Variants in BATF2 observed in about 807,000 individuals in gnomAD.
BATF2 encodes the protein basic leucine zipper ATF-like transcription factor 2.
A neutral mutation model predicts 7.3 loss-of-function variants in BATF2; 4 were observed. That is an observed-to-expected ratio of 0.55 (90% CI 0.27 to 1.26). BATF2 has a LOEUF of 1.26. BATF2 is among the 50% of genes most tolerant of loss of function. BATF2 has a pLI of 0.11. For synonymous variants in BATF2, 152 were observed against 153.9 expected (o/e 0.99, Z 0.09); for missense variants, 295 against 340.5 (o/e 0.87, Z 1.05).
At chr11:64,990,777 G>A (rs1411437215) in intron 2 of BATF2, among the ~76,000 whole-genome samples, 1 of 152,098 alleles carries the variant, frequency 6.6e-6, no homozygotes, top group Non-Finnish European at 1.5e-5. Flanking sequence ...TAAAAATGTG[G>A]TTTTGGCCCT....
chr11:64,989,683 A>G lies in BATF2; in HGVS notation c.271T>C (p.Cys91Arg). ...CAGCCCAGGAGCCCTGGAGCTGAGC[A>G]GGAGGCACAATCCATGGGGCACAGG... ...ERLCPMDCAS[C>R]SAPGLLGCWD... Residue 91 changes from cysteine (C) to arginine (R), a missense_variant, in exon 3 of 3, where the codon TGC becomes CGC. By Grantham distance (180) the Cys-to-Arg change is radical (BLOSUM62 -3). Coordinates refer to ENST00000301887, the MANE Select transcript of BATF2 (RefSeq NM_138456.4). This position sits in a 1 kb window ranked among gnomAD's most constrained non-coding sequence, Gnocchi z 4.3. 6.2e-7 allele frequency: 1 copy of G among 1,613,854 alleles called. No homozygotes were observed. The highest frequency in any genetic ancestry group is 8.5e-7 in the Non-Finnish European group (1 of 1,179,950).
chr11:64,996,810 CCTGGGCA>C, intron 1 of BATF2, 59 bp downstream of exon 1: 1 of 1,600,930 alleles, frequency 6.2e-7, no homozygotes, highest in Admixed American at 1.7e-5. Flanking sequence ...GCCCTCACTG[CCTGGGCA>C]CTGAGGACGG....
At chr11:64,993,801 C>CT (rs143580129) in intron 2 of BATF2, among the ~76,000 whole-genome samples, 4,178 of 149,310 alleles carry the variant, frequency 0.028, 195 homozygotes, top group African/African-American at 0.096. Flanking sequence ...GAATAATCCA[C>CT]TTTTTTTTTT....
In BATF2 at chr11:64,989,089, T is replaced by C. The variant is rs762446894; in HGVS notation, c.*40A>G. ...AGGCCCGTGTGCTAAGGCTGCTTCC[T>C]GAGCCCAAAGAAGGGGCCAACCCAG... is the stretch of plus-strand genomic sequence containing the variant. On this transcript the variant is annotated 3_prime_UTR_variant, in exon 3 of 3. Transcript: ENST00000301887. This position sits in a 1 kb window ranked among gnomAD's most constrained non-coding sequence, Gnocchi z 4.3. 1 of 1,606,792 alleles carries C rather than the reference T, an allele frequency of 6.2e-7. No homozygotes were observed.
chr11:64,995,055 G>T (rs562677286), intron 1 of BATF2, among the ~76,000 whole-genome samples: 4 of 152,074 alleles, frequency 2.6e-5, no homozygotes, highest in African/African-American at 7.2e-5. Context: ...CCTCATGTTG[G>T]CCAGGCTCAT....
chr11:64,995,214 C>T (rs914499058), intron 1 of BATF2, among the ~76,000 whole-genome samples: 3 of 152,178 alleles, frequency 2.0e-5, no homozygotes, highest in Admixed American at 2.0e-4. Context: ...AGCACCACAG[C>T]AGAGGGTTAA....
rs764118566 is a variant in BATF2 at position 64,989,477 on chromosome 11, G to A, written c.477C>T (p.Gly159=). 1 of 1,611,262 alleles carries A rather than the reference G, an allele frequency of 6.2e-7. No individual in the cohort carries two copies. Residue 159 remains glycine (G), a synonymous_variant, in exon 3 of 3, where the codon GGC becomes GGT. Transcript: ENST00000301887. This position sits in a 1 kb window ranked among gnomAD's most constrained non-coding sequence, Gnocchi z 4.3. ...CAGGAGGTTCAGCAACCACAGCGGG[G>A]CCAAGGGACAGTGAGGGCAGGGGGC... ...LQCPLPSLSL[G]PAVVAEPPVQ...
chr11:64,989,294 C>T lies in BATF2; in HGVS notation c.660G>A (p.Gly220=), dbSNP rs1393108663. 2 of 1,588,848 alleles carry T rather than the reference C, an allele frequency of 1.3e-6. No individual in the cohort carries two copies. The highest frequency in any genetic ancestry group is 1.7e-6 in the Non-Finnish European group (2 of 1,166,872). ...ELEHPTRGKL[G]SSPDNPSSAL... ...CAGAGGAAGGGTTGTCGGGAGAGGA[C>T]CCCAGCTTCCCTCTGGTGGGATGCT... is the stretch of plus-strand genomic sequence containing the variant. Residue 220 remains glycine, a synonymous_variant, in exon 3 of 3, where the codon GGG becomes GGA. Coordinates refer to ENST00000301887, the MANE Select transcript of BATF2 (RefSeq NM_138456.4). The surrounding 1 kb of genome is among the most constrained non-coding windows in gnomAD (Gnocchi z 4.3).
chr11:64,996,506 C>T (rs1946111126), intron 1 of BATF2, among the ~76,000 whole-genome samples: 1 of 152,232 alleles, frequency 6.6e-6, no homozygotes, highest in Non-Finnish European at 1.5e-5. Flanking sequence ...ATCTGCCGGC[C>T]TCAGACTCCC....
At chr11:64,995,589 TG>T (rs1281970340) in intron 1 of BATF2, among the ~76,000 whole-genome samples, 1 of 152,158 alleles carries the variant, frequency 6.6e-6, no homozygotes, top group Admixed American at 6.5e-5. Context: ...CCTTGTACCC[TG>T]GGATCAATGA....
In BATF2 at chr11:64,990,192, C is replaced by A. The variant is rs4084085; in HGVS notation, c.142-380G>T. ...GGTTAAAGCCCTTTAGAGGCACCCA[C>A]CAAATTCCCTGTGGTAGAATTCCAG... is the stretch of plus-strand genomic sequence containing the variant. On this transcript the variant is annotated intron_variant, in intron 2 of 2. Transcript: ENST00000301887. The A allele has an allele frequency of 1.6e-5, 24 of 1,535,614 alleles. No homozygotes were observed. The African/African-American group carries it at 3.1e-4, about 20-fold the overall frequency.
intron 1 of BATF2, among the ~76,000 whole-genome samples, chr11:64,995,296 T>C (rs1323095034): frequency 2.6e-5 from 4 of 152,192 alleles, no homozygotes. Context: ...TTGCCATGAT[T>C]TCCACACCAA....
Position 64,989,182 on chromosome 11 carries a change from G to T in BATF2, c.772C>A (p.Pro258Thr), listed in dbSNP as rs776353925. The T allele has an allele frequency of 2.5e-6, 4 of 1,614,028 alleles. No individual in the cohort carries two copies. The highest frequency in any genetic ancestry group is 3.4e-6 in the Non-Finnish European group (4 of 1,180,026). Residue 258 changes from proline (P) to threonine (T), a missense_variant, in exon 3 of 3, where the codon CCT (proline) becomes ACT (threonine). By Grantham distance (38) the Pro-to-Thr change is conservative. Coordinates refer to ENST00000301887, the MANE Select transcript of BATF2 (RefSeq NM_138456.4). The surrounding 1 kb of genome is among the most constrained non-coding windows in gnomAD (Gnocchi z 4.3). Reference sequence around the variant, plus strand: ...AGAGGAAAGGCCAGGAGAGGGTGAGGGCTGGGATCCACAACCAGCCCTTGC... The same window carrying T: ...AGAGGAAAGGCCAGGAGAGGGTGAGTGCTGGGATCCACAACCAGCCCTTGC... The part of the protein sequence containing the change: ...TWQGLVVDPS[P>T]HPLLAFPLLS...
At chr11:64,995,179 C>G (rs1946102017) in intron 1 of BATF2, among the ~76,000 whole-genome samples, 1 of 152,118 alleles carries the variant, frequency 6.6e-6, no homozygotes, top group Non-Finnish European at 1.5e-5. Flanking sequence ...ATTCTTGAAC[C>G]CAATCGCCCC....
Position 64,989,742 on chromosome 11 carries a change from G to A in BATF2, c.212C>T (p.Ala71Val), listed in dbSNP as rs766413379. The A allele has an allele frequency of 4.0e-5, 64 of 1,613,892 alleles. No homozygotes were observed. The highest frequency in any genetic ancestry group is 5.3e-5 in the Non-Finnish European group (62 of 1,180,020). Residue 71 changes from alanine to valine, a missense_variant, in exon 3 of 3, where the codon GCG (alanine) becomes GTG (valine). By Grantham distance (64) the Ala-to-Val change is moderately conservative. Coordinates refer to ENST00000301887, the MANE Select transcript of BATF2 (RefSeq NM_138456.4). The surrounding 1 kb of genome is among the most constrained non-coding windows in gnomAD (Gnocchi z 4.3). ...CACGTGCAGGGTCCGGCTCCACCAC[G>A]CCAGCTCGGCCTGCAGGGACTGGAT... Reference protein sequence around the residue: ...KEIQSLQAELAWWSRTLHVHE... With the variant: ...KEIQSLQAELVWWSRTLHVHE...
intron 1 of BATF2, 21 bp from the exon 2 acceptor site, chr11:64,994,570 G>C: frequency 6.3e-7 from 1 of 1,577,602 alleles, no homozygotes; most frequent in South Asian, 1.2e-5. Context: ...TGAGGCAGAG[G>C]ACTCAGGGGG....
At chr11:64,996,818 C>T (rs977495941) in intron 1 of BATF2, 58 bp downstream of exon 1, 1 of 1,597,790 alleles carries the variant, frequency 6.3e-7, no homozygotes, top group Non-Finnish European at 8.6e-7. Context: ...TGCCTGGGCA[C>T]TGAGGACGGG....
intron 1 of BATF2, among the ~76,000 whole-genome samples, chr11:64,996,594 G>A (rs777388843): frequency 2.0e-5 from 3 of 152,204 alleles, no homozygotes; most frequent in African/African-American, 4.8e-5. Flanking sequence ...GTGTAGTGAG[G>A]GGGGACCAGG....
chr11:64,991,153 ATTTTTT>A (rs986602706), intron 2 of BATF2, among the ~76,000 whole-genome samples: 3,514 of 113,010 alleles, frequency 0.031, 155 homozygotes, highest in African/African-American at 0.11. Flanking sequence ...GGAATGATGA[ATTTTTT>A]TTTTTTTTTT....
Sources: gnomAD v4.1 joint callset for allele counts (sites outside exome capture counted in the v4.1 genomes callset) on GRCh38, gnomAD v4.1.1 for gene constraint, Gnocchi (gnomAD v3.1) non-coding constraint, MANE v1.5 for transcripts, NCBI Gene and HGNC (gene_info 2026-07-23, HGNC 2026-07-21) for gene names.